Variants in ECPAS observed in about 807,000 individuals in gnomAD.
The protein encoded by ECPAS is proteasome adapter and scaffold protein ECM29.
A neutral mutation model predicts 255.1 loss-of-function variants in ECPAS; 70 were observed. The ratio of observed to expected loss-of-function variants is 0.27; its 90% CI spans 0.23 to 0.33. ECPAS has a LOEUF of 0.33. ECPAS is among the 10% of genes least tolerant of loss of function. The pLI is 1.00. For synonymous variants in ECPAS, 784 were observed against 775.0 expected (o/e 1.01, Z -0.19); for missense variants, 1,817 against 2,206.4 (o/e 0.82, Z 3.54).
intron 2 of ECPAS, among the ~76,000 whole-genome samples, chr9:111,470,817 C>T (rs896199705): frequency 1.3e-5 from 2 of 148,464 alleles, no homozygotes; most frequent in Non-Finnish European, 3.0e-5. Flanking sequence ...ATAGGAGTAG[C>T]TTGGCAAGAC....
chr9:111,407,428 A>AAAAAAAAAAAAAAAAAAAAAAAAAAAAC (rs751687233), intron 24 of ECPAS, among the ~76,000 whole-genome samples: 1 of 98,726 alleles, frequency 1.0e-5, no homozygotes. Flanking sequence ...AAAAAAAAAA[A>AAAAAAAAAAAAAAAAAAAAAAAAAAAAC]AAAAAAAAAA....
At chr9:111,373,097 C>T (rs2098129341) in intron 41 of ECPAS, 73 bp downstream of exon 41, 3 of 1,123,980 alleles carry the variant, frequency 2.7e-6, no homozygotes, top group Non-Finnish European at 4.1e-6. Flanking sequence ...GAGGGTAAGA[C>T]CTAATTTGTA....
chr9:111,397,684 T>C (rs1173085093), intron 24 of ECPAS, among the ~76,000 whole-genome samples: 2 of 152,232 alleles, frequency 1.3e-5, no homozygotes, highest in Non-Finnish European at 2.9e-5. Context: ...TAGTAGCCAT[T>C]ATATTTTATT....
At chr9:111,473,705 G>A (rs1382144309) in intron 1 of ECPAS, among the ~76,000 whole-genome samples, 8 of 152,178 alleles carry the variant, frequency 5.3e-5, no homozygotes, top group African/African-American at 1.4e-4. Context: ...GGTGGCTCAC[G>A]CCTGTAATCC....
At chr9:111,444,333 A>G (rs1332211140) in intron 4 of ECPAS, 45 bp downstream of exon 4, 1 of 1,355,530 alleles carries the variant, frequency 7.4e-7, no homozygotes, top group Non-Finnish European at 1.0e-6. Context: ...ATGTTAGGAA[A>G]GAAAATTTGC....
intron 30 of ECPAS, 38 bp downstream of exon 30, chr9:111,389,946 T>A (rs1046921515): frequency 7.1e-6 from 10 of 1,405,538 alleles, no homozygotes; most frequent in Non-Finnish European, 9.9e-6. Flanking sequence ...TTGGTTTGCA[T>A]GAAAAAAATA....
chr9:111,456,667 G>A (rs4978998), intron 2 of ECPAS, among the ~76,000 whole-genome samples: 101,876 of 152,064 alleles, frequency 0.67, 34,407 homozygotes, highest in African/African-American at 0.73. Flanking sequence ...ACCAGCTGCA[G>A]TTCAACCTTT....
At chr9:111,437,866 G>A (rs1181096498) in intron 6 of ECPAS, among the ~76,000 whole-genome samples, 4 of 152,022 alleles carry the variant, frequency 2.6e-5, no homozygotes, top group Non-Finnish European at 5.9e-5. Flanking sequence ...TGAAGTTTTT[G>A]ATATAAATAT....
At chr9:111,427,435 T>C (rs2098223427) in intron 10 of ECPAS, among the ~76,000 whole-genome samples, 2 of 151,062 alleles carry the variant, frequency 1.3e-5, no homozygotes, top group Admixed American at 6.6e-5. Flanking sequence ...AAGCCACACA[T>C]AAAAAAAAAC....
chr9:111,459,901 G>A (rs536667375), intron 2 of ECPAS, among the ~76,000 whole-genome samples: 5 of 152,300 alleles, frequency 3.3e-5, no homozygotes, highest in Admixed American at 2.6e-4. Flanking sequence ...AGAGAAAAAG[G>A]TGGGGTAAAG....
chr9:111,410,290 G>C (rs2098191890), intron 22 of ECPAS, 77 bp from the exon 23 acceptor site: 2 of 1,284,394 alleles, frequency 1.6e-6, no homozygotes, highest in South Asian at 1.7e-5. Flanking sequence ...ATGTACTCAA[G>C]GTTTTTTTTA....
intron 37 of ECPAS, 96 bp from the exon 38 acceptor site, chr9:111,375,298 G>T: frequency 1.2e-6 from 1 of 824,038 alleles, no homozygotes; most frequent in South Asian, 1.4e-5. Context: ...TGTACCAACT[G>T]GATTTGACAT....
In ECPAS at chr9:111,370,548, C is replaced by G. The variant is rs2098126094; in HGVS notation, c.4861G>C (p.Glu1621Gln). The G allele has an allele frequency of 6.2e-7, 1 of 1,610,944 alleles. No homozygotes were observed. Among genetic ancestry groups the G allele is most frequent in the African/African-American group, 1.3e-5 (1 of 74,874 alleles). Residue 1621 changes from glutamate to glutamine, a missense_variant, in exon 45 of 50, where the codon GAG becomes CAG. Physicochemically the swap from Glu to Gln is conservative, Grantham distance 29 (BLOSUM62 2). Around this residue, in one of 4 missense-constraint regions of ECPAS, gnomAD observed 960 missense variants for 1,179.0 expected, o/e 0.81. Transcript: ENST00000684092. Reference protein sequence around the residue: ...LQAVLKECSKENVKYKIVAIS... With the variant: ...LQAVLKECSKQNVKYKIVAIS... ...GCTACAATCTTGTATTTGACATTCT[C>G]TTTGCTACATTCCTTCAGAACAGCT...
chr9:111,397,516 C>G (rs1047166789), intron 24 of ECPAS, among the ~76,000 whole-genome samples: 6 of 152,152 alleles, frequency 3.9e-5, no homozygotes, highest in African/African-American at 1.4e-4. Flanking sequence ...CTCTCACCAC[C>G]TATAAACCCT....
intron 25 of ECPAS, among the ~76,000 whole-genome samples, chr9:111,395,192 A>C (rs1008009309): frequency 6.6e-6 from 1 of 152,188 alleles, no homozygotes; most frequent in Non-Finnish European, 1.5e-5. Context: ...CCACAACTCT[A>C]GCTGCCAGCA....
chr9:111,400,794 C>T (rs981055535), intron 24 of ECPAS, among the ~76,000 whole-genome samples: 2 of 151,992 alleles, frequency 1.3e-5, no homozygotes, highest in African/African-American at 4.8e-5. Flanking sequence ...TTCAAAGAGG[C>T]TAAGAGTTAT....
intron 1 of ECPAS, chr9:111,483,686 C>A: frequency 6.0e-6 from 1 of 165,758 alleles, no homozygotes; most frequent in South Asian, 1.7e-4. Context: ...CGCCCGCCGC[C>A]GCCGCCTGCG....
At chr9:111,477,093 C>T (rs955349867) in intron 1 of ECPAS, among the ~76,000 whole-genome samples, 2 of 151,630 alleles carry the variant, frequency 1.3e-5, no homozygotes, top group East Asian at 2.0e-4. Context: ...TGAGCCACCG[C>T]GCCTGGTCCT....
intron 2 of ECPAS, among the ~76,000 whole-genome samples, chr9:111,458,938 G>A (rs1564559753): frequency 6.6e-6 from 1 of 152,062 alleles, no homozygotes; most frequent in Non-Finnish European, 1.5e-5. Context: ...GCTTTCCTGA[G>A]TTCTGACTCG....
Sources: allele counts gnomAD v4.1 joint callset (sites outside exome capture counted in the v4.1 genomes callset), GRCh38; gene constraint gnomAD v4.1.1; regional missense constraint gnomAD v4.1.1; transcripts MANE v1.5; gene names NCBI Gene and HGNC (gene_info 2026-07-23, HGNC 2026-07-21).